The following PPP2R1A variants were observed in gnomAD, a reference collection of about 807,000 sequenced individuals.
PPP2R1A encodes serine/threonine-protein phosphatase 2A 65 kDa regulatory subunit A alpha isoform.
Under a neutral mutation model 67.1 loss-of-function variants are expected in PPP2R1A, and 15 were observed. The observed-to-expected ratio is 0.22, with a 90% CI of 0.15 to 0.34. The LOEUF (loss-of-function observed/expected upper bound fraction) is 0.34. Among genes scored for constraint, PPP2R1A ranks in the 10% least tolerant of loss-of-function variants. The pLI is 1.00. For synonymous variants in PPP2R1A, 337 were observed against 325.0 expected (o/e 1.04, Z -0.40); for missense variants, 369 against 775.0 (o/e 0.48, Z 6.22).
In PPP2R1A at chr19:52,194,020, G is replaced by A. The variant is rs978677699; in HGVS notation, c.78+3846G>A. Among the ~76,000 whole-genome samples the A allele has an allele frequency of 3.3e-5, 5 of 149,906 alleles. No individual in the cohort carries two copies. The East Asian group carries it at 5.8e-4, about 18-fold the overall frequency. On this transcript the variant is annotated intron_variant, in intron 1 of 14. Transcript: ENST00000322088. ...CCCAGCTGCTCAGGAGACTGAGGTC[G>A]GAGGATTGCTTGAACCAGGGAGATC...
chr19:52,221,334 A>G (rs1721816905), intron 12 of PPP2R1A, among the ~76,000 whole-genome samples: 1 of 152,094 alleles, frequency 6.6e-6, no homozygotes, highest in South Asian at 2.1e-4. Context: ...GGCCTCTGGG[A>G]CTGGGGACTT....
At chr19:52,222,812 G>A (rs7255058) in intron 13 of PPP2R1A, among the ~76,000 whole-genome samples, 16,491 of 152,204 alleles carry the variant, frequency 0.11, 1,094 homozygotes, top group African/African-American at 0.19. Flanking sequence ...AGGAGGTGGA[G>A]GTTGCAGTGA....
In PPP2R1A at chr19:52,216,449, C is replaced by T. The variant is rs1485683369; in HGVS notation, c.994-80C>T. ...GAGGGGCAGAAGCAGGTTATTGTCT[C>T]TTAGGAGTTGGCATCTGCTTAGCCA... On this transcript the variant is annotated intron_variant, in intron 8 of 14. Coordinates refer to ENST00000322088, the MANE Select transcript of PPP2R1A (RefSeq NM_014225.6). The surrounding 1 kb of genome is among the most constrained non-coding windows in gnomAD (Gnocchi z 4.3). The T allele has an allele frequency of 4.5e-6, 7 of 1,550,412 alleles. No individual in the cohort carries two copies. In the African/African-American group the frequency reaches 8.2e-5, roughly 18 times the overall value.
At chr19:52,203,478 G>A (rs986142584) in intron 2 of PPP2R1A, among the ~76,000 whole-genome samples, 3 of 152,146 alleles carry the variant, frequency 2.0e-5, no homozygotes, top group Non-Finnish European at 2.9e-5. Flanking sequence ...ACCTGAGTAG[G>A]TCACTCCACC....
rs1449877457 is a variant in PPP2R1A at position 52,213,446 on chromosome 19, G to T, written c.807+336G>T. 1.4e-5 allele frequency among the ~76,000 whole-genome samples: 2 copies of T among 148,110 alleles called. No homozygotes were observed. Among genetic ancestry groups the T allele is most frequent in the African/African-American group, 5.0e-5 (2 of 39,696 alleles). On this transcript the variant is annotated intron_variant, in intron 6 of 14. Coordinates refer to ENST00000322088, the MANE Select transcript of PPP2R1A (RefSeq NM_014225.6). This position sits in a 1 kb window ranked among gnomAD's most constrained non-coding sequence, Gnocchi z 4.2. The stretch of plus-strand genomic sequence containing the variant: ...AGGGGAAGACAGCCCAAAAAGGTGG[G>T]GTTTTTTGGTGTTTTTTTTTTTTTT...
chr19:52,227,094 G>A lies in PPP2R1A; in HGVS notation c.*1113G>A, dbSNP rs947981142. ...TGTAGAAGCTCTGATTTTTAACTGGGCAGATGACTACATGGATTCAAGGTA... is the reference window on the plus strand; with the variant it reads ...TGTAGAAGCTCTGATTTTTAACTGGACAGATGACTACATGGATTCAAGGTA... On this transcript the variant is annotated 3_prime_UTR_variant, in exon 15 of 15. Coordinates refer to ENST00000322088, the MANE Select transcript of PPP2R1A (RefSeq NM_014225.6). The A allele has an allele frequency of 2.0e-5, 3 of 152,186 alleles. No individual in the cohort carries two copies. The highest frequency in any genetic ancestry group is 7.2e-5 in the African/African-American group (3 of 41,424). 9.4% of individuals were successfully genotyped at this position (152,186 alleles called of 1,614,324 possible).
At chr19:52,201,384 T>G (rs1416987678) in intron 1 of PPP2R1A, 1 of 152,426 alleles carries the variant, frequency 6.6e-6, no homozygotes, top group Non-Finnish European at 1.5e-5. Flanking sequence ...TTACAATCAC[T>G]TAGCCAGCAA....
At chr19:52,190,793 C>T (rs951082123) in intron 1 of PPP2R1A, among the ~76,000 whole-genome samples, 6 of 152,174 alleles carry the variant, frequency 3.9e-5, no homozygotes, top group African/African-American at 1.2e-4. Context: ...CCCGCCTCCC[C>T]ATCTCCCCGG....
Position 52,219,998 on chromosome 19 carries a change from G to A in PPP2R1A, c.1302+134G>A. ...AACTGCCTGGGGAGTCGAAGGAAGG[G>A]ACCCAGGAAATAGGGCCTTAAAAGA... On this transcript the variant is annotated intron_variant, in intron 10 of 14. Coordinates refer to ENST00000322088, the MANE Select transcript of PPP2R1A (RefSeq NM_014225.6). This position sits in a 1 kb window ranked among gnomAD's most constrained non-coding sequence, Gnocchi z 4.0. The A allele has an allele frequency of 7.8e-7, 1 of 1,289,176 alleles. No homozygotes were observed. The highest frequency in any genetic ancestry group is 2.5e-5 in the East Asian group (1 of 40,294). The allele number at this position is 1,289,176 out of a possible 1,614,324, so 79.9% of individuals were successfully genotyped here.
chr19:52,206,191 ATCCGC>A, intron 3 of PPP2R1A, 128 bp downstream of exon 3: 4 of 705,202 alleles, frequency 5.7e-6, no homozygotes, highest in Non-Finnish European at 9.4e-6. Context: ...GGCCATGGAC[ATCCGC>A]TTTAATCCAA....
intron 3 of PPP2R1A, among the ~76,000 whole-genome samples, chr19:52,208,185 C>A (rs908394295): frequency 1.3e-5 from 2 of 151,968 alleles, no homozygotes; most frequent in East Asian, 3.9e-4. Context: ...GTTTTTTTCC[C>A]GAGATGGAGT....
In PPP2R1A at chr19:52,212,045, C is replaced by T. The variant is rs555884091; in HGVS notation, c.503+553C>T. Among the ~76,000 whole-genome samples the T allele has an allele frequency of 6.4e-4, 98 of 152,330 alleles. No individual in the cohort carries two copies. The highest frequency in any genetic ancestry group is 1.7e-3 in the Admixed American group (26 of 15,298). On this transcript the variant is annotated intron_variant, in intron 4 of 14. Coordinates refer to ENST00000322088, the MANE Select transcript of PPP2R1A (RefSeq NM_014225.6). The surrounding 1 kb of genome is among the most constrained non-coding windows in gnomAD (Gnocchi z 4.1). ...AAGCAATTGCTGCTGAAAAATAAAG[C>T]CTTTCTGTGGCTCTAGACCTGCCTC...
Position 52,216,155 on chromosome 19 carries a change from G to C in PPP2R1A, c.993+81G>C. On this transcript the variant is annotated intron_variant, in intron 8 of 14. Coordinates refer to ENST00000322088, the MANE Select transcript of PPP2R1A (RefSeq NM_014225.6). The surrounding 1 kb of genome is among the most constrained non-coding windows in gnomAD (Gnocchi z 4.3). Reference sequence around the variant, plus strand: ...GGCTGGAGACAAGGCTTTGGGGATAGTCAGCTGCAAACTAGGTTCCCAGCC... The same window carrying C: ...GGCTGGAGACAAGGCTTTGGGGATACTCAGCTGCAAACTAGGTTCCCAGCC... The C allele has an allele frequency of 6.7e-7, 1 of 1,486,464 alleles. No homozygotes were observed. Among genetic ancestry groups the C allele is most frequent in the Admixed American group, 1.7e-5 (1 of 57,914 alleles). The allele number at this position is 1,486,464 out of a possible 1,614,324, so 92.1% of individuals were successfully genotyped here. A position where few individuals can be genotyped will look rare whatever the true frequency, so the allele number is the denominator to read the frequency against.
chr19:52,221,160 C>T, intron 12 of PPP2R1A, 27 bp downstream of exon 12: 1 of 1,613,858 alleles, frequency 6.2e-7, no homozygotes. Context: ...CCTGCTGGCC[C>T]ATCCCTAGGG....
rs557325792 is a variant in PPP2R1A, at chr19:52,206,275, G to T, written c.270+212G>T. On this transcript the variant is annotated intron_variant, in intron 3 of 14. Transcript: ENST00000322088. ...TATCATCCTTTCTGTTTAGTGGTCA[G>T]GTAGGTGCCCAGTGCCAGGCCTTAC... Among the ~76,000 whole-genome samples the T allele has an allele frequency of 3.3e-5, 5 of 152,308 alleles. No individual in the cohort carries two copies. The East Asian group carries it at 9.7e-4, about 29-fold the overall frequency.
In PPP2R1A at chr19:52,211,192, A is replaced by G; in HGVS notation, c.271-68A>G. 6.8e-7 allele frequency: 1 copy of G among 1,463,494 alleles called. No homozygotes were observed. The highest frequency in any genetic ancestry group is 9.4e-7 in the Non-Finnish European group (1 of 1,065,240). 90.7% of individuals were successfully genotyped at this position (1,463,494 alleles called of 1,614,324 possible). The stretch of plus-strand genomic sequence containing the variant: ...AGGAGATGAGCCCATGATGGGGTGC[A>G]GGATGGGGCTCCAGGGCTGCGGATG... On this transcript the variant is annotated intron_variant, in intron 3 of 14. Coordinates refer to ENST00000322088, the MANE Select transcript of PPP2R1A (RefSeq NM_014225.6). The surrounding 1 kb of genome is among the most constrained non-coding windows in gnomAD (Gnocchi z 5.3).
chr19:52,191,682 G>A (rs1265639241), intron 1 of PPP2R1A, among the ~76,000 whole-genome samples: 1 of 152,164 alleles, frequency 6.6e-6, no homozygotes, highest in African/African-American at 2.4e-5. Context: ...TCTCTTTAAT[G>A]GGGTTAATTA....
At position 52,212,949 on chromosome 19, in the gene PPP2R1A, C is replaced by T. The variant is rs377060336; in HGVS notation, c.652-6C>T. On this transcript the variant is annotated splice_polypyrimidine_tract_variant and splice_region_variant and intron_variant, in intron 5 of 14. Coordinates refer to ENST00000322088, the MANE Select transcript of PPP2R1A (RefSeq NM_014225.6). This position sits in a 1 kb window ranked among gnomAD's most constrained non-coding sequence, Gnocchi z 4.1. ...TGCCCTCCCACTGTTCCTCTCCTCT[C>T]CCTAGGACTCGGTGCGGCTGCTGGC... 6.3e-7 allele frequency: 1 copy of T among 1,591,316 alleles called. No homozygotes were observed. The highest frequency in any genetic ancestry group is 8.6e-7 in the Non-Finnish European group (1 of 1,169,042).
rs1316572249 is a variant in PPP2R1A, at chr19:52,213,469, T to G, written c.807+359T>G. 1.4e-4 allele frequency among the ~76,000 whole-genome samples: 16 copies of G among 113,960 alleles called. No individual in the cohort carries two copies. The highest frequency in any genetic ancestry group is 5.7e-4 in the African/African-American group (14 of 24,724). 74.8% of individuals were successfully genotyped at this position (113,960 alleles called of 152,430 possible). On this transcript the variant is annotated intron_variant, in intron 6 of 14. Transcript: ENST00000322088. The surrounding 1 kb of genome is among the most constrained non-coding windows in gnomAD (Gnocchi z 4.2). ...GGGGTTTTTTGGTGTTTTTTTTTTT[T>G]TTTTTTTTTTTTTTTTTTAAGATGG...
Sources: allele counts gnomAD v4.1 joint callset (sites outside exome capture counted in the v4.1 genomes callset), GRCh38; gene constraint gnomAD v4.1.1; non-coding constraint Gnocchi (gnomAD v3.1); transcripts MANE v1.5; gene names NCBI Gene and HGNC (gene_info 2026-07-23, HGNC 2026-07-21).